Variants in CHPF observed in about 807,000 individuals in gnomAD.
CHPF encodes the protein chondroitin polymerizing factor, non-catalytic subunit.
A neutral mutation model predicts 55.1 loss-of-function variants in CHPF; 34 were observed. That is an observed-to-expected ratio of 0.62 (90% CI 0.47 to 0.82). The LOEUF (loss-of-function observed/expected upper bound fraction) is 0.82. CHPF is among the 40% of genes least tolerant of loss of function. The probability of loss-of-function intolerance (pLI) is 0.00; values close to 1 mark genes in which losing one functional copy is unlikely to be tolerated. For synonymous variants in CHPF, 489 were observed against 496.6 expected (o/e 0.98, Z 0.20); for missense variants, 961 against 1,106.1 (o/e 0.87, Z 1.86).
Position 219,541,317 on chromosome 2 carries a change from C to T in CHPF, c.889-192G>A, listed in dbSNP as rs184510499. 2.9e-4 allele frequency: 174 copies of T among 592,990 alleles called. No individual in the cohort carries two copies. In the East Asian group the frequency reaches 3.4e-3, roughly 12 times the overall value. 36.7% of individuals were successfully genotyped at this position (592,990 alleles called of 1,614,324 possible). A position where few individuals can be genotyped will look rare whatever the true frequency, so the allele number is the denominator to read the frequency against. ...CTAGCTCATCTGCGAAATGGGCATG[C>T]GTCCTGTCTCAGAGCTGTCCAAGGG... On this transcript the variant is annotated intron_variant, in intron 2 of 3. Transcript: ENST00000243776.
Position 219,542,179 on chromosome 2 carries a change from T to C in CHPF, c.325A>G (p.Ile109Val). 2 of 1,250,228 alleles carry C rather than the reference T, an allele frequency of 1.6e-6. No homozygotes were observed. The highest frequency in any genetic ancestry group is 2.0e-6 in the Non-Finnish European group (2 of 980,058). 77.4% of individuals were successfully genotyped at this position (1,250,228 alleles called of 1,614,324 possible). A position where few individuals can be genotyped will look rare whatever the true frequency, so the allele number is the denominator to read the frequency against. Residue 109 changes from isoleucine (I) to valine (V), a missense_variant, in exon 2 of 4, where the codon ATC (isoleucine) becomes GTC (valine). Around this residue, in one of 3 missense-constraint regions of CHPF, gnomAD observed 936 missense variants for 1,058.4 expected, o/e 0.88. Transcript: ENST00000243776. ...TGCCTGATGCCCAGCTCCGTGCTGA[T>C]GTAGCGGGTCCTAGGGGAGGAGATG... ...AAKKAVRTRY[I>V]STELGIRQRL...
Position 219,542,040 on chromosome 2 carries a change from C to T in CHPF, c.464G>A (p.Arg155Gln), listed in dbSNP as rs752889377. 1.9e-6 allele frequency: 3 copies of T among 1,586,588 alleles called. No homozygotes were observed. The highest frequency in any genetic ancestry group is 1.3e-5 in the African/African-American group (1 of 74,520). The change falls in exon 2 of 4, where the codon CGG becomes CAG. Residue 155 changes from arginine to glutamine, a missense_variant. By Grantham distance (43) the Arg-to-Gln change is conservative. Transcript: ENST00000243776. ...LERVVFLTGA[R>Q]GRRAPPGMAV... ...CATGCCAGGTGGGGCCCGGCGGCCC[C>T]GTGCGCCCGTCAGGAACACCACACG... is the stretch of plus-strand genomic sequence containing the variant.
At chr2:219,542,897 G>C (rs1235750970) in intron 1 of CHPF, 9 of 1,130,792 alleles carry the variant, frequency 8.0e-6, no homozygotes, top group Non-Finnish European at 9.7e-6. Flanking sequence ...CTCTTCCCCT[G>C]TCTCTATACA....
intron 1 of CHPF, among the ~76,000 whole-genome samples, chr2:219,542,716 G>A (rs1397532636): frequency 6.6e-6 from 1 of 152,180 alleles, no homozygotes; most frequent in Non-Finnish European, 1.5e-5. Context: ...AAGGCAGAAG[G>A]TAAATTGCAG....
rs1225886642 is a variant in CHPF, at chr2:219,542,047, C to A, written c.457G>T (p.Gly153Cys). The A allele has an allele frequency of 6.3e-7, 1 of 1,583,782 alleles. No individual in the cohort carries two copies. The highest frequency in any genetic ancestry group is 8.6e-7 in the Non-Finnish European group (1 of 1,169,564). The change falls in exon 2 of 4, where the codon GGC becomes TGC. Residue 153 changes from glycine (G) to cysteine (C), a missense_variant. By Grantham distance (159) the Gly-to-Cys change is radical (BLOSUM62 -3). Around this residue, in one of 3 missense-constraint regions of CHPF, gnomAD observed 936 missense variants for 1,058.4 expected, o/e 0.88. Coordinates refer to ENST00000243776, the MANE Select transcript of CHPF (RefSeq NM_024536.6). ...GGTGGGGCCCGGCGGCCCCGTGCGC[C>A]CGTCAGGAACACCACACGCTCCAGC... ...HRLERVVFLT[G>C]ARGRRAPPGM...
In CHPF at chr2:219,539,796, A is replaced by G; in HGVS notation, c.1915T>C (p.Phe639Leu). 2 of 1,613,536 alleles carry G rather than the reference A, an allele frequency of 1.2e-6. No homozygotes were observed. The highest frequency in any genetic ancestry group is 1.7e-6 in the Non-Finnish European group (2 of 1,180,018). Residue 639 changes from phenylalanine to leucine, a missense_variant, in exon 4 of 4, where the codon TTC becomes CTC. Transcript: ENST00000243776. ...AAGGCTTGGAAATGCATGGGAAAGA[A>G]GGCCTGCCAGCCGGAGATGGCATGC... Reference protein sequence around the residue: ...RMHAISGWQAFFPMHFQAFHP... With the variant: ...RMHAISGWQALFPMHFQAFHP...
Position 219,542,140 on chromosome 2 carries a change from C to A in CHPF, c.364G>T (p.Ala122Ser). ...ELGIRQRLLV[A>S]VLTSQTTLPT... ...AGCGTGGTCTGAGAGGTCAGCACCG[C>A]CACCAGCAGCCTCTGCCTGATGCCC... Residue 122 changes from alanine (A) to serine (S), a missense_variant, in exon 2 of 4, where the codon GCG becomes TCG. By Grantham distance (99) the Ala-to-Ser change is moderately conservative. Transcript: ENST00000243776. The A allele has an allele frequency of 6.4e-7, 1 of 1,554,490 alleles. No individual in the cohort carries two copies. The highest frequency in any genetic ancestry group is 8.6e-7 in the Non-Finnish European group (1 of 1,157,128).
chr2:219,542,138 C>G lies in CHPF; in HGVS notation c.366G>C (p.Ala122=). Residue 122 remains alanine, a synonymous_variant, in exon 2 of 4, where the codon GCG becomes GCC. Coordinates refer to ENST00000243776, the MANE Select transcript of CHPF (RefSeq NM_024536.6). ...GCAGCGTGGTCTGAGAGGTCAGCACCGCCACCAGCAGCCTCTGCCTGATGC... is the reference window on the plus strand; with the variant it reads ...GCAGCGTGGTCTGAGAGGTCAGCACGGCCACCAGCAGCCTCTGCCTGATGC... ...ELGIRQRLLV[A]VLTSQTTLPT... The G allele has an allele frequency of 6.4e-7, 1 of 1,556,872 alleles. No individual in the cohort carries two copies. Among genetic ancestry groups the G allele is most frequent in the Non-Finnish European group, 8.6e-7 (1 of 1,158,356 alleles).
At position 219,539,718 on chromosome 2, in the gene CHPF, C is replaced by T; in HGVS notation, c.1993G>A (p.Asp665Asn). The T allele has an allele frequency of 6.2e-7, 1 of 1,613,424 alleles. No individual in the cohort carries two copies. Among genetic ancestry groups the T allele is most frequent in the Non-Finnish European group, 8.5e-7 (1 of 1,179,930 alleles). ...GCCTGGCGATCAAAGCGGCCAGTGT[C>T]ACGGCCCAGCTCTGGGGGCCCAGGC... ...QGPGPPELGR[D>N]TGRFDRQAAS... Residue 665 changes from aspartate (D) to asparagine (N), a missense_variant, in exon 4 of 4, where the codon GAC (aspartate) becomes AAC (asparagine). Physicochemically the swap from Asp to Asn is conservative, Grantham distance 23. Transcript: ENST00000243776.
chr2:219,543,351 T>C lies in CHPF; in HGVS notation c.188A>G (p.Asn63Ser). 3 of 1,565,080 alleles carry C rather than the reference T, an allele frequency of 1.9e-6. No individual in the cohort carries two copies. Among genetic ancestry groups the C allele is most frequent in the South Asian group, 1.1e-5 (1 of 87,178 alleles). The stretch of plus-strand genomic sequence containing the variant: ...GCGCTCCGCTCCGGGCTGCACCGAG[T>C]TGGGCCGGCGCGCCGCGTTGGTGTT... ...RGNTNAARRP[N>S]SVQPGAEREK... The change falls in exon 1 of 4, where the codon AAC becomes AGC. Residue 63 changes from asparagine (N) to serine (S), a missense_variant. Asn to Ser is a conservative substitution (Grantham distance 46). Around this residue, in one of 3 missense-constraint regions of CHPF, gnomAD observed 936 missense variants for 1,058.4 expected, o/e 0.88. Transcript: ENST00000243776.
In CHPF at chr2:219,539,113, TGCATAAATAC is replaced by T. The variant is rs1695203741; in HGVS notation, c.*260_*269del. The T allele has an allele frequency of 2.1e-6, 1 of 481,314 alleles. No individual in the cohort carries two copies. Among genetic ancestry groups the T allele is most frequent in the African/African-American group, 1.9e-5 (1 of 51,686 alleles). The allele number at this position is 481,314 out of a possible 1,614,324, so 29.8% of individuals were successfully genotyped here. A position where few individuals can be genotyped will look rare whatever the true frequency, so the allele number is the denominator to read the frequency against. On this transcript the variant is annotated 3_prime_UTR_variant, in exon 4 of 4. Coordinates refer to ENST00000243776, the MANE Select transcript of CHPF (RefSeq NM_024536.6). The stretch of plus-strand genomic sequence containing the variant: ...AGGGCTGGCGTCAGGCAGACTGTAC[TGCATAAATAC>T]GTGGAGGCCACAGCCCGAATCAGCA...
At chr2:219,542,505 T>C (rs2105988671) in intron 1 of CHPF, among the ~76,000 whole-genome samples, 1 of 152,274 alleles carries the variant, frequency 6.6e-6, no homozygotes, top group African/African-American at 2.4e-5. Flanking sequence ...ATCTGTAAAA[T>C]GGGACTGATT....
chr2:219,540,738 G>T, intron 3 of CHPF, 96 bp from the exon 4 acceptor site: 1 of 1,349,540 alleles, frequency 7.4e-7, no homozygotes, highest in Non-Finnish European at 1.0e-6. Flanking sequence ...CTCAGGATGG[G>T]CCCCTCATCC....
In CHPF at chr2:219,541,983, A is replaced by G. The variant is rs769273874; in HGVS notation, c.521T>C (p.Ile174Thr). The G allele has an allele frequency of 5.6e-6, 9 of 1,609,364 alleles. No individual in the cohort carries two copies. The highest frequency in any genetic ancestry group is 4.5e-5 in the East Asian group (2 of 44,558). The stretch of plus-strand genomic sequence containing the variant: ...GCGCAGCGCCAGGTGCAGGTGTCCA[A>G]TGGGTCGCTCCTCGCCTAGCGTCAC... ...AVVTLGEERP[I>T]GHLHLALRHL... The change falls in exon 2 of 4, where the codon ATT (isoleucine) becomes ACT (threonine). Residue 174 changes from isoleucine (I) to threonine (T), a missense_variant. This residue lies in a region of CHPF where 936 missense variants were observed against 1,058.4 expected (regional missense o/e 0.88). Coordinates refer to ENST00000243776, the MANE Select transcript of CHPF (RefSeq NM_024536.6).
At chr2:219,541,211 G>T in intron 2 of CHPF, 86 bp from the exon 3 acceptor site, 1 of 1,296,430 alleles carries the variant, frequency 7.7e-7, no homozygotes, top group Non-Finnish European at 1.0e-6. Flanking sequence ...CTCAGCCTAT[G>T]ACCTGTTGTG....
At position 219,539,683 on chromosome 2, in the gene CHPF, C is replaced by T. The variant is rs1343709754; in HGVS notation, c.2028G>A (p.Glu676=). 1 of 1,613,520 alleles carries T rather than the reference C, an allele frequency of 6.2e-7. No individual in the cohort carries two copies. Among genetic ancestry groups the T allele is most frequent in the South Asian group, 1.1e-5 (1 of 91,080 alleles). ...CATAGTCGGAGTTGTAGAAGCAGGCCTCGCTGGCTGCCTGGCGATCAAAGC... is the reference window on the plus strand; with the variant it reads ...CATAGTCGGAGTTGTAGAAGCAGGCTTCGCTGGCTGCCTGGCGATCAAAGC... ...TGRFDRQAAS[E]ACFYNSDYVA... Residue 676 remains glutamate (E), a synonymous_variant, in exon 4 of 4, where the codon GAG becomes GAA. Coordinates refer to ENST00000243776, the MANE Select transcript of CHPF (RefSeq NM_024536.6).
Position 219,541,652 on chromosome 2 carries a change from G to T in CHPF, c.852C>A (p.Leu284=), listed in dbSNP as rs142017345. 2 of 1,596,098 alleles carry T rather than the reference G, an allele frequency of 1.3e-6. No individual in the cohort carries two copies. Among genetic ancestry groups the T allele is most frequent in the African/African-American group, 1.3e-5 (1 of 74,738 alleles). ...CAGTGCAGCCCACCCCGGTGGCATC[G>T]AGAATGCAGCGACCCAGCCACTCGT... ...RPDEWLGRCI[L]DATGVGCTGD... Residue 284 remains leucine, a synonymous_variant, in exon 2 of 4, where the codon CTC becomes CTA. Coordinates refer to ENST00000243776, the MANE Select transcript of CHPF (RefSeq NM_024536.6).
chr2:219,543,145 C>T, intron 1 of CHPF, 80 bp downstream of exon 1: 2 of 1,373,608 alleles, frequency 1.5e-6, no homozygotes, highest in South Asian at 3.3e-5. Context: ...CCTTCCGGAG[C>T]CTGACCCGGG....
rs530059225 is a variant in CHPF at position 219,539,164 on chromosome 2, G to A, written c.*219C>T. 236 of 561,164 alleles carry A rather than the reference G, an allele frequency of 4.2e-4. 3 individuals carry two copies. The South Asian group carries it at 5.5e-3, about 13-fold the overall frequency. 34.8% of individuals were successfully genotyped at this position (561,164 alleles called of 1,614,324 possible). A position where few individuals can be genotyped will look rare whatever the true frequency, so the allele number is the denominator to read the frequency against. On this transcript the variant is annotated 3_prime_UTR_variant, in exon 4 of 4. Coordinates refer to ENST00000243776, the MANE Select transcript of CHPF (RefSeq NM_024536.6). ...CGAATCAGCAGCGTCAGGGGGCAGG[G>A]AAACTGGGTTTGGGATGAGAAGTGG... is the stretch of plus-strand genomic sequence containing the variant.
Sources: gnomAD v4.1 joint callset for allele counts (sites outside exome capture counted in the v4.1 genomes callset) on GRCh38, gnomAD v4.1.1 for gene constraint, gnomAD v4.1.1 regional missense constraint, MANE v1.5 for transcripts, NCBI Gene and HGNC (gene_info 2026-07-23, HGNC 2026-07-21) for gene names.